Variants in NUP98 observed in about 807,000 individuals in gnomAD.
NUP98 encodes the protein nuclear pore complex protein Nup98-Nup96.
Under a neutral mutation model 191.9 loss-of-function variants are expected in NUP98, and 26 were observed. The observed-to-expected ratio is 0.14, with a 90% CI of 0.10 to 0.19. The LOEUF (loss-of-function observed/expected upper bound fraction) is 0.19. Ranked by LOEUF, NUP98 falls within the 10% of genes least tolerant of loss-of-function variation. The pLI is 1.00. For missense variants in NUP98, 1,941 were observed against 2,178.8 expected, an observed-to-expected ratio of 0.89 and a Z score of 2.17; for synonymous variants, 808 against 778.4, an observed-to-expected ratio of 1.04 and a Z score of -0.63.
chr11:3,692,969 A>G (rs955615729), intron 27 of NUP98: 15 of 355,346 alleles, frequency 4.2e-5, no homozygotes, highest in South Asian at 2.0e-4. Flanking sequence ...GTCAGGCTGT[A>G]TAACAGGGAA....
In NUP98 at chr11:3,723,138, G is replaced by A; in HGVS notation, c.2146+19C>T. 6.2e-7 allele frequency: 1 copy of A among 1,609,176 alleles called. No homozygotes were observed. Among genetic ancestry groups the A allele is most frequent in the Non-Finnish European group, 8.5e-7 (1 of 1,176,358 alleles). On this transcript the variant is annotated intron_variant, in intron 16 of 32. Transcript: ENST00000324932. ...GAATGACTGGTAAGAGATTAAACAT[G>A]CACCAATCTGAACCTGACCTGCTGG...
chr11:3,723,083 G>A (rs965465852), intron 16 of NUP98, 74 bp downstream of exon 16: 54 of 1,404,422 alleles, frequency 3.8e-5, no homozygotes, highest in Non-Finnish European at 5.1e-5. Flanking sequence ...ACTTCCATAT[G>A]TTGAATATCT....
At chr11:3,788,779 T>C (rs775652683) in intron 1 of NUP98, among the ~76,000 whole-genome samples, 7 of 151,846 alleles carry the variant, frequency 4.6e-5, no homozygotes, top group Non-Finnish European at 7.4e-5. Flanking sequence ...AAACCCCGTC[T>C]CTACTAAAAA....
chr11:3,779,358 G>T (rs1330540675), intron 2 of NUP98, 101 bp from the exon 3 acceptor site: 8 of 1,046,776 alleles, frequency 7.6e-6, no homozygotes, highest in Non-Finnish European at 1.2e-5. Flanking sequence ...TTCTGCATTT[G>T]AGGCTGTGCA....
intron 12 of NUP98, among the ~76,000 whole-genome samples, chr11:3,738,410 T>C (rs1589844598): frequency 6.6e-6 from 1 of 152,016 alleles, no homozygotes; most frequent in African/African-American, 2.4e-5. Flanking sequence ...TAGGGAAAAG[T>C]ACAAAAACCA....
At chr11:3,695,944 C>G (rs1428899649) in intron 25 of NUP98, among the ~76,000 whole-genome samples, 1 of 152,152 alleles carries the variant, frequency 6.6e-6, no homozygotes, top group African/African-American at 2.4e-5. Flanking sequence ...GTAATCCCAG[C>G]ACTCTGGCAG....
rs182173803 is a variant in NUP98 at position 3,790,374 on chromosome 11, A to G, written c.-29+7026T>C. Among the ~76,000 whole-genome samples, 277 of 152,306 alleles carry G rather than the reference A, an allele frequency of 1.8e-3. 1 individual carries two copies. The highest frequency in any genetic ancestry group is 6.4e-3 in the African/African-American group (265 of 41,570). On this transcript the variant is annotated intron_variant, in intron 1 of 32. Coordinates refer to ENST00000324932, the MANE Select transcript of NUP98 (RefSeq NM_016320.5). ...AGTAGAACCCCACCAGCTCTGCCCT[A>G]TGAAGCAGCTTAGGGCTCTATGAAC... is the stretch of plus-strand genomic sequence containing the variant.
In NUP98 at chr11:3,779,829, G is replaced by A. The variant is rs144932803; in HGVS notation, c.77-572C>T. On this transcript the variant is annotated intron_variant, in intron 2 of 32. Transcript: ENST00000324932. ...TCAATAAAAGTTACAGATGTTCATA[G>A]GTTAAAAAAAAGTGCTGGCCGGGCA... is the stretch of plus-strand genomic sequence containing the variant. Among the ~76,000 whole-genome samples, 328 of 151,204 alleles carry A rather than the reference G, an allele frequency of 2.2e-3. 3 individuals are homozygous for A. Among genetic ancestry groups the A allele is most frequent in the African/African-American group, 7.5e-3 (307 of 41,192 alleles).
At chr11:3,790,390 C>T (rs2082296717) in intron 1 of NUP98, among the ~76,000 whole-genome samples, 11 of 152,146 alleles carry the variant, frequency 7.2e-5, no homozygotes, top group Admixed American at 5.9e-4. Flanking sequence ...CAGCTTAGGG[C>T]TCTATGAACC....
At chr11:3,704,259 A>G (rs2078793626) in intron 22 of NUP98, among the ~76,000 whole-genome samples, 1 of 152,224 alleles carries the variant, frequency 6.6e-6, no homozygotes, top group Admixed American at 6.5e-5. Flanking sequence ...AGCAATATAA[A>G]CAAATGTCTC....
At chr11:3,793,786 C>T (rs1006751280) in intron 1 of NUP98, among the ~76,000 whole-genome samples, 3 of 151,822 alleles carry the variant, frequency 2.0e-5, no homozygotes, top group Non-Finnish European at 4.4e-5. Flanking sequence ...GCCTGGCCAA[C>T]ATGGTGAAAG....
intron 30 of NUP98, 70 bp downstream of exon 30, chr11:3,683,130 C>A: frequency 6.3e-7 from 1 of 1,588,746 alleles, no homozygotes. Flanking sequence ...TCCAGTCTGA[C>A]CCCATCATGG....
rs182194906 is a variant in NUP98 at position 3,774,896 on chromosome 11, T to A, written c.495+986A>T. ...TAACTTCAAATTCGGGGTTGTAAAT[T>A]TAGTACTATGAATTAACCAATTTAC... On this transcript the variant is annotated intron_variant, in intron 5 of 32. Transcript: ENST00000324932. 7.6e-4 allele frequency among the ~76,000 whole-genome samples: 116 copies of A among 152,304 alleles called. 2 individuals carry two copies. The highest frequency in any genetic ancestry group is 7.4e-3 in the Admixed American group (113 of 15,286).
chr11:3,783,406 C>A (rs2082041309), intron 1 of NUP98, among the ~76,000 whole-genome samples: 1 of 152,004 alleles, frequency 6.6e-6, no homozygotes, highest in Non-Finnish European at 1.5e-5. Flanking sequence ...ATAAAAAAAA[C>A]TGCTCACCTT....
At position 3,702,758 on chromosome 11, in the gene NUP98, G is replaced by A; in HGVS notation, c.3217C>T (p.Pro1073Ser). ...PSTSSWSVPP[P>S]LTSVFTMPSP... ...GGCATTGTGAACACAGAAGTCAGGGGTGGAGGGACAGACCAAGAGGATGTG... is the reference window on the plus strand; with the variant it reads ...GGCATTGTGAACACAGAAGTCAGGGATGGAGGGACAGACCAAGAGGATGTG... Residue 1073 changes from proline (P) to serine (S), a missense_variant, in exon 23 of 33, where the codon CCC (proline) becomes TCC (serine). Around this residue, in one of 6 missense-constraint regions of NUP98, gnomAD observed 1,030 missense variants for 1,115.8 expected, o/e 0.92. Transcript: ENST00000324932. The A allele has an allele frequency of 1.9e-6, 3 of 1,614,194 alleles. No individual in the cohort carries two copies. The highest frequency in any genetic ancestry group is 1.7e-6 in the Non-Finnish European group (2 of 1,180,040).
chr11:3,777,670 C>T (rs1464767394), intron 4 of NUP98, among the ~76,000 whole-genome samples: 4 of 150,018 alleles, frequency 2.7e-5, no homozygotes, highest in Non-Finnish European at 5.9e-5. Context: ...CCAGAAATGT[C>T]ACTAAGCAAA....
chr11:3,702,977 G>C, intron 22 of NUP98, 85 bp from the exon 23 acceptor site: 1 of 1,117,258 alleles, frequency 9.0e-7, no homozygotes, highest in East Asian at 2.4e-5. Flanking sequence ...AATCAGTAAG[G>C]CTGAAATCAT....
chr11:3,751,117 G>C lies in NUP98; in HGVS notation c.1267+2199C>G, dbSNP rs149763594. ...CTCACACCTGTAATCCCAGCACTTT[G>C]GGAGGCCGAGGCGGGCAGATCACCT... On this transcript the variant is annotated intron_variant, in intron 11 of 32. Transcript: ENST00000324932. 3.4e-4 allele frequency among the ~76,000 whole-genome samples: 52 copies of C among 152,226 alleles called. No homozygotes were observed. The East Asian group carries it at 9.3e-3, about 27-fold the overall frequency.
At position 3,675,960 on chromosome 11, in the gene NUP98, TG is replaced by T; in HGVS notation, c.*198del. The T allele has an allele frequency of 1.7e-6, 1 of 590,570 alleles. No individual in the cohort carries two copies. The highest frequency in any genetic ancestry group is 3.0e-6 in the Non-Finnish European group (1 of 332,174). The allele number at this position is 590,570 out of a possible 1,614,324, so 36.6% of individuals were successfully genotyped here. A position where few individuals can be genotyped will look rare whatever the true frequency, so the allele number is the denominator to read the frequency against. On this transcript the variant is annotated 3_prime_UTR_variant, in exon 33 of 33. Coordinates refer to ENST00000324932, the MANE Select transcript of NUP98 (RefSeq NM_016320.5). ...GAGGATGGTAAACTGTCTCCTCTTC[TG>T]GGTTCCAGAAGCCCTTATGCTACGT... is the stretch of plus-strand genomic sequence containing the variant.
Sources: allele counts gnomAD v4.1 joint callset (sites outside exome capture counted in the v4.1 genomes callset), GRCh38; gene constraint gnomAD v4.1.1; regional missense constraint gnomAD v4.1.1; transcripts MANE v1.5; gene names NCBI Gene and HGNC (gene_info 2026-07-23, HGNC 2026-07-21).